The following TRAPPC9 variants were observed in gnomAD, a reference collection of about 807,000 sequenced individuals.
TRAPPC9 encodes trafficking protein particle complex subunit 9, also known as IKK2 binding protein.
In TRAPPC9, 83 loss-of-function variants were observed where a neutral mutation model predicts 124.0. The observed-to-expected ratio is 0.67, with a 90% CI of 0.56 to 0.80. TRAPPC9 has a LOEUF of 0.80. TRAPPC9 is among the 30% of genes least tolerant of loss of function. TRAPPC9 has a pLI of 0.00. For missense variants in TRAPPC9, 1,302 were observed against 1,508.3 expected (o/e 0.86, Z 2.27); for synonymous variants, 638 against 617.5 (o/e 1.03, Z -0.49).
chr8:139,842,590 TC>T (rs1362734277), intron 21 of TRAPPC9, among the ~76,000 whole-genome samples: 1 of 149,110 alleles, frequency 6.7e-6, no homozygotes, highest in Non-Finnish European at 1.5e-5. Flanking sequence ...GCTCTCGCCT[TC>T]GTGCCCGGGG....
chr8:140,228,788 C>T (rs1239758501), intron 16 of TRAPPC9, among the ~76,000 whole-genome samples: 1 of 152,104 alleles, frequency 6.6e-6, no homozygotes, highest in African/African-American at 2.4e-5. Context: ...TTGTGCCTCA[C>T]GTGAATTCTA....
At position 140,052,768 on chromosome 8, in the gene TRAPPC9, C is replaced by A. The variant is rs370173797; in HGVS notation, c.2557-28689G>T. Reference sequence around the variant, plus strand: ...CTGCACTCCAGCCTGAGTGACACAGCAAGACTCCGTCTCAAAAAAAAAAAA... The same window carrying A: ...CTGCACTCCAGCCTGAGTGACACAGAAAGACTCCGTCTCAAAAAAAAAAAA... On this transcript the variant is annotated intron_variant, in intron 17 of 22. Coordinates refer to ENST00000438773, the MANE Select transcript of TRAPPC9 (RefSeq NM_001160372.4). Among the ~76,000 whole-genome samples, 4 of 148,620 alleles carry A rather than the reference C, an allele frequency of 2.7e-5. No individual in the cohort carries two copies. In the East Asian group the frequency reaches 5.9e-4, roughly 22 times the overall value.
intron 19 of TRAPPC9, among the ~76,000 whole-genome samples, chr8:139,927,010 A>G (rs1832859264): frequency 6.6e-6 from 1 of 152,258 alleles, no homozygotes; most frequent in African/African-American, 2.4e-5. Flanking sequence ...AAATATTTAA[A>G]TAGACATTTC....
rs765656679 is a variant in TRAPPC9 at position 140,018,324 on chromosome 8, A to ATTTTTTCTTTTTTTTTTTTTTTTTT, written c.2699+5612_2699+5613insAAAAAAAAAAAAAAAAAAGAAAAAA. 4.2e-5 allele frequency among the ~76,000 whole-genome samples: 5 copies of ATTTTTTCTTTTTTTTTTTTTTTTTT among 119,782 alleles called. 1 individual carries two copies. Among genetic ancestry groups the ATTTTTTCTTTTTTTTTTTTTTTTTT allele is most frequent in the African/African-American group, 9.8e-5 (3 of 30,692 alleles). The allele number at this position is 119,782 out of a possible 152,430, so 78.6% of individuals were successfully genotyped here. A position where few individuals can be genotyped will look rare whatever the true frequency, so the allele number is the denominator to read the frequency against. On this transcript the variant is annotated intron_variant, in intron 18 of 22. Coordinates refer to ENST00000438773, the MANE Select transcript of TRAPPC9 (RefSeq NM_001160372.4). ...TTGCTGGTATATAGAAACGTAAGTG[A>ATTTTTTCTTTTTTTTTTTTTTTTTT]TTTTTTTTTTTTTTTTTGAGACGGA...
intron 7 of TRAPPC9, among the ~76,000 whole-genome samples, chr8:140,384,442 C>A (rs890603248): frequency 6.6e-6 from 1 of 151,952 alleles, no homozygotes; most frequent in Admixed American, 6.6e-5. Flanking sequence ...CACACATAGG[C>A]TCAAAATAAA....
At chr8:140,293,820 C>G (rs1392627844) in intron 11 of TRAPPC9, among the ~76,000 whole-genome samples, 1 of 152,034 alleles carries the variant, frequency 6.6e-6, no homozygotes, top group Non-Finnish European at 1.5e-5. Flanking sequence ...ACATATGTAA[C>G]TAACCTGCAC....
At chr8:140,327,201 T>G (rs762846175) in intron 9 of TRAPPC9, among the ~76,000 whole-genome samples, 5 of 151,728 alleles carry the variant, frequency 3.3e-5, no homozygotes, top group Non-Finnish European at 5.9e-5. Flanking sequence ...TGCAGTGAGC[T>G]GAGATCACGC....
Position 140,451,054 on chromosome 8 carries a change from C to T in TRAPPC9, c.320G>A (p.Gly107Asp). The change falls in exon 2 of 23, where the codon GGC becomes GAC. Residue 107 changes from glycine to aspartate, a missense_variant. Physicochemically the swap from Gly to Asp is moderately conservative, Grantham distance 94. Transcript: ENST00000438773. Reference sequence around the variant, plus strand: ...GAGCCGGGAGTCATACAGTGTGGAGCCGTAGATCTCCTTCTGCACGTGGAA... The same window carrying T: ...GAGCCGGGAGTCATACAGTGTGGAGTCGTAGATCTCCTTCTGCACGTGGAA... ...EKFHVQKEIYGSTLYDSRLFV... is the reference protein window; with the variant it reads ...EKFHVQKEIYDSTLYDSRLFV... The T allele has an allele frequency of 6.2e-7, 1 of 1,614,040 alleles. No homozygotes were observed. Among genetic ancestry groups the T allele is most frequent in the Non-Finnish European group, 8.5e-7 (1 of 1,180,008 alleles).
intron 19 of TRAPPC9, among the ~76,000 whole-genome samples, chr8:139,972,786 T>C (rs1162258375): frequency 6.6e-6 from 1 of 152,194 alleles, no homozygotes. Context: ...CCCTAAAACA[T>C]GGAGGATGCA....
At chr8:139,805,446 G>T (rs566728363) in intron 21 of TRAPPC9, among the ~76,000 whole-genome samples, 193 of 152,318 alleles carry the variant, frequency 1.3e-3, no homozygotes, top group African/African-American at 4.6e-3. Context: ...TGTCAGCTGT[G>T]CACTCAGGCT....
intron 4 of TRAPPC9, among the ~76,000 whole-genome samples, chr8:140,434,129 T>C (rs2070736716): frequency 6.6e-6 from 1 of 152,232 alleles, no homozygotes; most frequent in Admixed American, 6.5e-5. Context: ...GGGAAACTTC[T>C]AGTGGGTATT....
chr8:140,244,304 T>C, intron 16 of TRAPPC9, among the ~76,000 whole-genome samples: 1 of 152,156 alleles, frequency 6.6e-6, no homozygotes, highest in East Asian at 1.9e-4. Flanking sequence ...GTCAACCAAA[T>C]TGATTAGCTG....
chr8:139,763,543 C>T (rs898950369), intron 21 of TRAPPC9, among the ~76,000 whole-genome samples: 4 of 152,148 alleles, frequency 2.6e-5, no homozygotes, highest in African/African-American at 9.7e-5. Flanking sequence ...AAAACAACGC[C>T]CATGGCTTCC....
intron 17 of TRAPPC9, among the ~76,000 whole-genome samples, chr8:140,183,037 A>G (rs569660695): frequency 2.0e-5 from 3 of 152,208 alleles, no homozygotes; most frequent in Non-Finnish European, 4.4e-5. Context: ...GAAAAAAAAA[A>G]AAGATAAGCT....
intron 18 of TRAPPC9, among the ~76,000 whole-genome samples, chr8:140,005,658 T>A (rs981810184): frequency 6.6e-6 from 1 of 152,078 alleles, no homozygotes; most frequent in African/African-American, 2.4e-5. Context: ...GGAGAAGGGC[T>A]GGGTCAGATT....
chr8:140,060,760 G>A (rs1378329860), intron 17 of TRAPPC9, among the ~76,000 whole-genome samples: 4 of 152,176 alleles, frequency 2.6e-5, no homozygotes, highest in East Asian at 1.9e-4. Flanking sequence ...ATTATCTGAC[G>A]ACCCTTATTT....
At chr8:139,858,317 G>T (rs780586810) in intron 21 of TRAPPC9, among the ~76,000 whole-genome samples, 3 of 152,142 alleles carry the variant, frequency 2.0e-5, no homozygotes, top group African/African-American at 4.8e-5. Context: ...CCTGACTTCC[G>T]CGATCATAAG....
chr8:139,975,976 A>AC (rs1393652695), intron 19 of TRAPPC9, among the ~76,000 whole-genome samples: 4 of 107,506 alleles, frequency 3.7e-5, no homozygotes, highest in Non-Finnish European at 7.1e-5. Context: ...TGCAGGCTTC[A>AC]CCCCCCCGGG....
intron 21 of TRAPPC9, among the ~76,000 whole-genome samples, chr8:139,878,264 G>A (rs1185407944): frequency 6.6e-6 from 1 of 152,184 alleles, no homozygotes; most frequent in Non-Finnish European, 1.5e-5. Flanking sequence ...AAGGGACACA[G>A]AAGTATAAAT....
Sources: gnomAD v4.1 joint callset for allele counts (sites outside exome capture counted in the v4.1 genomes callset) on GRCh38, gnomAD v4.1.1 for gene constraint, MANE v1.5 for transcripts, NCBI Gene and HGNC (gene_info 2026-07-23, HGNC 2026-07-21) for gene names.